ZFPM2: variants seen among roughly 807,000 people sequenced by gnomAD.
The protein encoded by ZFPM2 is zinc finger protein, FOG family member 2.
ZFPM2 carries 20 observed loss-of-function variants against 98.6 expected under a neutral mutation model. The observed-to-expected ratio is 0.20, with a 90% CI of 0.14 to 0.29. ZFPM2 has a LOEUF of 0.29. Among genes scored for constraint, ZFPM2 ranks in the 10% least tolerant of loss-of-function variants. The pLI is 1.00. For synonymous variants in ZFPM2, 518 were observed against 502.7 expected (o/e 1.03, Z -0.41); for missense variants, 1,310 against 1,388.6 (o/e 0.94, Z 0.90).
intron 1 of ZFPM2, chr8:105,418,447 C>T (rs1045226910): frequency 3.4e-5 from 15 of 442,760 alleles, no homozygotes; most frequent in African/African-American, 1.2e-4. Context: ...ATTAATGTAG[C>T]GCACCTCACT....
At chr8:105,791,922 G>A (rs1813624318) in intron 6 of ZFPM2, among the ~76,000 whole-genome samples, 1 of 152,064 alleles carries the variant, frequency 6.6e-6, no homozygotes, top group South Asian at 2.1e-4. Flanking sequence ...TATTTCTGTG[G>A]GATCGCTGGT....
chr8:105,509,046 C>T (rs770925413), intron 3 of ZFPM2, among the ~76,000 whole-genome samples: 4 of 151,862 alleles, frequency 2.6e-5, no homozygotes, highest in Admixed American at 2.0e-4. Flanking sequence ...AGTAGAGCGC[C>T]GGGCCCACAA....
chr8:105,691,452 G>C lies in ZFPM2; in HGVS notation c.532+57095G>C, dbSNP rs1319434471. On this transcript the variant is annotated intron_variant, in intron 5 of 7. Coordinates refer to ENST00000407775, the MANE Select transcript of ZFPM2 (RefSeq NM_012082.4). ...TTTAGTAGAGACGGGGTTTCACCTT[G>C]TTAGCCAGGATGGTCTCGATCTCCT... 3.0e-4 allele frequency among the ~76,000 whole-genome samples: 37 copies of C among 124,514 alleles called. 1 individual carries two copies. The highest frequency in any genetic ancestry group is 2.7e-3 in the Admixed American group (36 of 13,284). 81.7% of individuals were successfully genotyped at this position (124,514 alleles called of 152,430 possible). A position where few individuals can be genotyped will look rare whatever the true frequency, so the allele number is the denominator to read the frequency against.
At chr8:105,800,957 T>C in intron 7 of ZFPM2, 90 bp from the exon 8 acceptor site, 1 of 1,217,424 alleles carries the variant, frequency 8.2e-7, no homozygotes, top group South Asian at 1.5e-5. Flanking sequence ...TCCTATTGTG[T>C]TGCAAACATT....
chr8:105,659,657 C>T (rs1817351328), intron 5 of ZFPM2, among the ~76,000 whole-genome samples: 1 of 152,130 alleles, frequency 6.6e-6, no homozygotes, highest in African/African-American at 2.4e-5. Flanking sequence ...ACATTTAAAG[C>T]TCTCACTAAA....
At chr8:105,457,142 A>G (rs1034260181) in intron 3 of ZFPM2, among the ~76,000 whole-genome samples, 1 of 152,136 alleles carries the variant, frequency 6.6e-6, no homozygotes, top group Non-Finnish European at 1.5e-5. Context: ...TTGCTTTTTC[A>G]GTAGCCAAAC....
At chr8:105,763,535 A>C (rs1427078511) in intron 5 of ZFPM2, among the ~76,000 whole-genome samples, 1 of 151,824 alleles carries the variant, frequency 6.6e-6, no homozygotes, top group Non-Finnish European at 1.5e-5. Context: ...AGTAGAACTA[A>C]CATTTTTGAA....
At chr8:105,582,070 G>A (rs1276174275) in intron 4 of ZFPM2, among the ~76,000 whole-genome samples, 1 of 152,200 alleles carries the variant, frequency 6.6e-6, no homozygotes, top group Non-Finnish European at 1.5e-5. Context: ...TGTGAGGGTT[G>A]AAGTGAGATC....
chr8:105,394,192 C>T (rs1479479494), intron 1 of ZFPM2, among the ~76,000 whole-genome samples: 5 of 152,092 alleles, frequency 3.3e-5, no homozygotes, highest in Admixed American at 3.3e-4. Flanking sequence ...CGCGCCCAGC[C>T]ATAGACCTAA....
chr8:105,406,060 T>C (rs527718101), intron 1 of ZFPM2, among the ~76,000 whole-genome samples: 1 of 152,332 alleles, frequency 6.6e-6, no homozygotes, highest in Admixed American at 6.5e-5. Context: ...ATGTGTGTTT[T>C]GGCTGCATAA....
rs1235836051 is a variant in ZFPM2 at position 105,801,951 on chromosome 8, A to C, written c.1869A>C (p.Thr623=). 6.2e-7 allele frequency: 1 copy of C among 1,613,834 alleles called. No individual in the cohort carries two copies. Among genetic ancestry groups the C allele is most frequent in the Admixed American group, 1.7e-5 (1 of 60,004 alleles). ...SADPENPLLQ[T]SCINSSTVLD... is the part of the protein sequence containing the mutation. ...ATCCTGAGAATCCACTTCTTCAAAC[A>C]TCTTGCATCAATTCTTCCACTGTCT... The change falls in exon 8 of 8, where the codon ACA becomes ACC. Residue 623 remains threonine (T), a synonymous_variant. Transcript: ENST00000407775.
At chr8:105,678,178 G>A (rs923717521) in intron 5 of ZFPM2, among the ~76,000 whole-genome samples, 10 of 152,172 alleles carry the variant, frequency 6.6e-5, no homozygotes, top group African/African-American at 2.4e-4. Context: ...GAAAGAAGCA[G>A]TGTTTCTCAA....
At chr8:105,626,435 G>A (rs1348323028) in intron 4 of ZFPM2, among the ~76,000 whole-genome samples, 3 of 152,150 alleles carry the variant, frequency 2.0e-5, no homozygotes, top group Non-Finnish European at 4.4e-5. Flanking sequence ...CCAGGGTGGA[G>A]AACTGCTTGG....
At chr8:105,590,762 GCA>G (rs71305167) in intron 4 of ZFPM2, among the ~76,000 whole-genome samples, 5,651 of 149,308 alleles carry the variant, frequency 0.038, 110 homozygotes, top group African/African-American at 0.061. Flanking sequence ...ACGTGCGCAC[GCA>G]CACACACACA....
At chr8:105,407,292 T>G (rs1192640898) in intron 1 of ZFPM2, among the ~76,000 whole-genome samples, 1 of 151,856 alleles carries the variant, frequency 6.6e-6, no homozygotes, top group Non-Finnish European at 1.5e-5. Flanking sequence ...AACCAATATA[T>G]TTTACTTCAC....
At chr8:105,494,183 GTATATATATATATATA>G (rs61035457) in intron 3 of ZFPM2, among the ~76,000 whole-genome samples, 1,893 of 60,008 alleles carry the variant, frequency 0.032, 109 homozygotes, top group African/African-American at 0.047. Flanking sequence ...GCCACCAAAA[GTATATATATATATATA>G]TATATATATA....
intron 5 of ZFPM2, among the ~76,000 whole-genome samples, chr8:105,779,246 T>A (rs572291692): frequency 6.6e-6 from 1 of 152,326 alleles, no homozygotes; most frequent in South Asian, 2.1e-4. Context: ...GGCAGAGTAA[T>A]ACAAAATCTA....
rs1386111151 is a variant in ZFPM2, at chr8:105,318,500, G to A, written c.-442G>A. Reference sequence around the variant, plus strand: ...CGCCGGAGTATCCGTCCCGCACGCCGGGGCGAGGGGCGAGCGAGCGCGCTC... The same window carrying A: ...CGCCGGAGTATCCGTCCCGCACGCCAGGGCGAGGGGCGAGCGAGCGCGCTC... On this transcript the variant is annotated 5_prime_UTR_variant, in exon 1 of 8. Transcript: ENST00000407775. Among the ~76,000 whole-genome samples, 1 of 149,586 alleles carries A rather than the reference G, an allele frequency of 6.7e-6. No homozygotes were observed. The highest frequency in any genetic ancestry group is 1.5e-5 in the Non-Finnish European group (1 of 67,178).
At chr8:105,555,899 G>A (rs1814977343) in intron 3 of ZFPM2, among the ~76,000 whole-genome samples, 1 of 152,130 alleles carries the variant, frequency 6.6e-6, no homozygotes, top group Admixed American at 6.6e-5. Flanking sequence ...GAGCTAAACT[G>A]GAGATGAGGA....
Sources: allele counts gnomAD v4.1 joint callset (sites outside exome capture counted in the v4.1 genomes callset), GRCh38; gene constraint gnomAD v4.1.1; transcripts MANE v1.5; gene names NCBI Gene and HGNC (gene_info 2026-07-23, HGNC 2026-07-21).